Variants in DIXDC1 observed in about 807,000 individuals in gnomAD.
DIXDC1 encodes dixin.
DIXDC1 carries 64 observed loss-of-function variants against 103.1 expected under a neutral mutation model. That is an observed-to-expected ratio of 0.62 (90% CI 0.51 to 0.76). The LOEUF (loss-of-function observed/expected upper bound fraction) is 0.76, where lower values mean the gene tolerates loss of function less well. DIXDC1 is among the 30% of genes least tolerant of loss of function. The pLI, the probability that DIXDC1 is intolerant of heterozygous loss-of-function variation, is 0.00. For missense variants in DIXDC1, 759 were observed against 834.2 expected (o/e 0.91, Z 1.11); for synonymous variants, 266 against 298.5 (o/e 0.89, Z 1.12).
At chr11:111,996,335 G>T (rs2137590790) in intron 17 of DIXDC1, 189 bp downstream of exon 17, 5 of 481,090 alleles carry the variant, frequency 1.0e-5, no homozygotes, top group Non-Finnish European at 1.8e-5. Context: ...ACCACCCCCA[G>T]TGCCATTTAG....
chr11:111,982,403 C>T lies in DIXDC1; in HGVS notation c.834C>T (p.Thr278=), dbSNP rs1555173343. The part of the protein sequence containing the change: ...RPGSPGTYLE[T]SWEEQLLEQQ... ...GGAGCCCTGGAACCTATCTGGAGACCTCATGGGAAGAACAGCTGTTGGAAC... is the reference window on the plus strand; with the variant it reads ...GGAGCCCTGGAACCTATCTGGAGACTTCATGGGAAGAACAGCTGTTGGAAC... The change falls in exon 7 of 20, where the codon ACC becomes ACT. Residue 278 remains threonine, a synonymous_variant. Coordinates refer to ENST00000440460, the MANE Select transcript of DIXDC1 (RefSeq NM_001037954.4). The T allele has an allele frequency of 3.1e-6, 5 of 1,613,836 alleles. 1 individual carries two copies. Among genetic ancestry groups the T allele is most frequent in the Non-Finnish European group, 4.2e-6 (5 of 1,179,856 alleles).
chr11:111,971,437 T>C (rs1376550744), intron 3 of DIXDC1, among the ~76,000 whole-genome samples: 1 of 152,112 alleles, frequency 6.6e-6, no homozygotes, highest in African/African-American at 2.4e-5. Flanking sequence ...ATGGCTTTTG[T>C]TAAAAAGTCA....
chr11:111,953,059 TAAATC>T (rs1245481557), intron 1 of DIXDC1, among the ~76,000 whole-genome samples: 3 of 152,054 alleles, frequency 2.0e-5, no homozygotes, highest in Non-Finnish European at 2.9e-5. Context: ...TTTTCAGAAT[TAAATC>T]AAGTGAATCA....
intron 1 of DIXDC1, chr11:111,946,567 G>C: frequency 5.2e-6 from 1 of 192,436 alleles, no homozygotes; most frequent in Non-Finnish European, 1.1e-5. Context: ...TGCCATGCTG[G>C]CCAAGCTAGT....
In DIXDC1 at chr11:111,985,235, T is replaced by C. The variant is rs782244554; in HGVS notation, c.922T>C (p.Leu308=). Residue 308 remains leucine, a synonymous_variant, in exon 8 of 20, where the codon TTA becomes CTA. Transcript: ENST00000440460. ...AKKMISGLQA[L]LLNGSLPEDE... ...TTCTGCCTTTGTGGTTATTCAGGCC[T>C]TACTGCTCAATGGATCCTTACCTGA... 4 of 1,613,138 alleles carry C rather than the reference T, an allele frequency of 2.5e-6. No individual in the cohort carries two copies. The highest frequency in any genetic ancestry group is 3.4e-6 in the Non-Finnish European group (4 of 1,179,404).
intron 17 of DIXDC1, among the ~76,000 whole-genome samples, chr11:112,015,799 CT>C (rs782121271): frequency 1.9e-3 from 91 of 47,032 alleles, no homozygotes; most frequent in African/African-American, 7.9e-3. Flanking sequence ...GAGACCCTGT[CT>C]TTTTTTTTTT....
chr11:112,005,458 G>A (rs2137615828), intron 17 of DIXDC1, among the ~76,000 whole-genome samples: 1 of 152,266 alleles, frequency 6.6e-6, no homozygotes, highest in Middle Eastern at 3.4e-3. Context: ...CATTTTGGGA[G>A]GCTGAGACAG....
At position 111,943,397 on chromosome 11, in the gene DIXDC1, G is replaced by A. The variant is rs1028874451; in HGVS notation, c.60+5838G>A. ...GACCTCAGGTGATCCACCTGCCTCA[G>A]CCTCCCAAAATGCTGGGATTACAGG... On this transcript the variant is annotated intron_variant, in intron 1 of 19. Transcript: ENST00000440460. Among the ~76,000 whole-genome samples, 6 of 151,668 alleles carry A rather than the reference G, an allele frequency of 4.0e-5. No homozygotes were observed. In the East Asian group the frequency reaches 7.7e-4, roughly 20 times the overall value.
intron 3 of DIXDC1, among the ~76,000 whole-genome samples, chr11:111,971,738 ATATCTAT>A (rs782498799): frequency 2.6e-5 from 4 of 151,456 alleles, no homozygotes; most frequent in Admixed American, 6.6e-5. Context: ...ATCTATATCT[ATATCTAT>A]ATCTATATCT....
At chr11:111,937,082 AGTGT>A (rs370219412), upstream of DIXDC1, 12 of 278,094 alleles carry the variant, frequency 4.3e-5, no homozygotes, top group Non-Finnish European at 5.9e-5. Flanking sequence ...AAGCCGTGTG[AGTGT>A]GTGTGTGTGT....
intron 1 of DIXDC1, among the ~76,000 whole-genome samples, chr11:111,944,489 G>A (rs959584500): frequency 1.3e-5 from 2 of 152,192 alleles, no homozygotes; most frequent in Admixed American, 6.5e-5. Flanking sequence ...AAACCTGTTT[G>A]GAAGGAAGGG....
At chr11:111,993,178 A>G (rs1860762007) in intron 12 of DIXDC1, among the ~76,000 whole-genome samples, 174 bp downstream of exon 12, 1 of 152,156 alleles carries the variant, frequency 6.6e-6, no homozygotes, top group East Asian at 1.9e-4. Flanking sequence ...GCTCTGAAGA[A>G]TAGATGGCAC....
chr11:111,971,351 G>C (rs1419465255), intron 3 of DIXDC1, among the ~76,000 whole-genome samples: 1 of 152,172 alleles, frequency 6.6e-6, no homozygotes, highest in Admixed American at 6.5e-5. Flanking sequence ...ACAAACATAT[G>C]AAGAAAAGCT....
chr11:111,969,967 C>A (rs587618478), intron 3 of DIXDC1, among the ~76,000 whole-genome samples: 1 of 152,084 alleles, frequency 6.6e-6, no homozygotes, highest in Non-Finnish European at 1.5e-5. Context: ...CCTAGAAAAC[C>A]CCAAAAGCCT....
At chr11:111,996,494 A>C (rs1228889926) in intron 17 of DIXDC1, among the ~76,000 whole-genome samples, 1 of 152,224 alleles carries the variant, frequency 6.6e-6, no homozygotes. Flanking sequence ...AAACAGCACA[A>C]AAAAAATTTC....
At position 111,996,138 on chromosome 11, in the gene DIXDC1, C is replaced by T. The variant is rs374147539; in HGVS notation, c.1748C>T (p.Pro583Leu). Residue 583 changes from proline to leucine, a missense_variant, in exon 17 of 20, where the codon CCT becomes CTT. By Grantham distance (98) the Pro-to-Leu change is moderately conservative (BLOSUM62 -3). This residue lies in a region of DIXDC1 where 657 missense variants were observed against 727.5 expected (regional missense o/e 0.90). Coordinates refer to ENST00000440460, the MANE Select transcript of DIXDC1 (RefSeq NM_001037954.4). The stretch of plus-strand genomic sequence containing the variant: ...AGTGAATACCGGGAGTCCTGGCCCC[C>T]TAACTCAAGTAAGTACCCATTTTTG... ...VGSEYRESWP[P>L]NSKLPHSQSS... 2.5e-6 allele frequency: 4 copies of T among 1,613,382 alleles called. No homozygotes were observed. Among genetic ancestry groups the T allele is most frequent in the Non-Finnish European group, 2.5e-6 (3 of 1,179,682 alleles).
chr11:112,005,949 C>A (rs1861223413), intron 17 of DIXDC1, among the ~76,000 whole-genome samples: 1 of 152,142 alleles, frequency 6.6e-6, no homozygotes, highest in Non-Finnish European at 1.5e-5. Flanking sequence ...GTGGGTGTAG[C>A]CCACGGAGGG....
At chr11:111,996,183 A>C in intron 17 of DIXDC1, 37 bp downstream of exon 17, 1 of 1,554,738 alleles carries the variant, frequency 6.4e-7, no homozygotes, top group Non-Finnish European at 8.7e-7. Flanking sequence ...GACTCCTAGC[A>C]TATTAGACCA....
intron 1 of DIXDC1, among the ~76,000 whole-genome samples, chr11:111,959,351 G>A (rs1859496162): frequency 6.6e-6 from 1 of 152,218 alleles, no homozygotes. Context: ...AAGCTTCCAG[G>A]CGCCACCACA....
Sources: gnomAD v4.1 joint callset for allele counts (sites outside exome capture counted in the v4.1 genomes callset) on GRCh38, gnomAD v4.1.1 for gene constraint, gnomAD v4.1.1 regional missense constraint, MANE v1.5 for transcripts, NCBI Gene and HGNC (gene_info 2026-07-23, HGNC 2026-07-21) for gene names.